STAU1: variants seen among roughly 807,000 people sequenced by gnomAD.
STAU1 encodes double-stranded RNA-binding protein Staufen homolog 1.
A neutral mutation model predicts 62.9 loss-of-function variants in STAU1; 13 were observed. That is an observed-to-expected ratio of 0.21 (90% CI 0.13 to 0.33). The LOEUF is 0.33. Ranked by LOEUF, STAU1 falls within the 10% of genes least tolerant of loss-of-function variation. STAU1 has a pLI of 1.00. For missense variants in STAU1, 571 were observed against 712.1 expected (o/e 0.80, Z 2.25); for synonymous variants, 269 against 265.1 (o/e 1.01, Z -0.14).
At chr20:49,133,635 G>A (rs1011507514) in intron 6 of STAU1, among the ~76,000 whole-genome samples, 1 of 152,182 alleles carries the variant, frequency 6.6e-6, no homozygotes, top group African/African-American at 2.4e-5. Context: ...CACTGATGGA[G>A]GGAGAAAGGC....
At chr20:49,180,432 T>C (rs1453878134) in intron 1 of STAU1, among the ~76,000 whole-genome samples, 1 of 151,928 alleles carries the variant, frequency 6.6e-6, no homozygotes, top group Admixed American at 6.6e-5. Context: ...CAAGCCATTC[T>C]CCTGCCTCAG....
chr20:49,148,411 T>C (rs940906657), intron 5 of STAU1, among the ~76,000 whole-genome samples: 9 of 152,174 alleles, frequency 5.9e-5, no homozygotes, highest in African/African-American at 1.9e-4. Flanking sequence ...TCCCAAGATA[T>C]CCCATTACGT....
rs753561972 is a variant in STAU1 at position 49,121,226 on chromosome 20, GT to G, written c.967-1099del. 3.6e-4 allele frequency among the ~76,000 whole-genome samples: 55 copies of G among 152,202 alleles called. 1 individual carries two copies. Among genetic ancestry groups the G allele is most frequent in the Admixed American group, 1.2e-3 (19 of 15,290 alleles). On this transcript the variant is annotated intron_variant, in intron 8 of 13. Transcript: ENST00000371856. ...GTTCGAGACCAGTCTGGCCAACATG[GT>G]GAAACCCCATCTCTACTAAAAATAC...
intron 6 of STAU1, among the ~76,000 whole-genome samples, chr20:49,127,148 T>A (rs1357443806): frequency 6.7e-6 from 1 of 148,936 alleles, no homozygotes; most frequent in African/African-American, 2.5e-5. Context: ...AGGTCAGGAG[T>A]TCGAGATCAG....
Position 49,124,490 on chromosome 20 carries a change from A to C in STAU1, c.707T>G (p.Ile236Ser). Residue 236 changes from isoleucine to serine, a missense_variant, in exon 7 of 14, where the codon ATT (isoleucine) becomes AGT (serine). Physicochemically the swap from Ile to Ser is moderately radical, Grantham distance 142 (BLOSUM62 -2). Transcript: ENST00000371856. ...VGEGEGKSKK[I>S]SKKNAAIAVL... The stretch of plus-strand genomic sequence containing the variant: ...AGCTATGGCGGCATTTTTCTTTGAA[A>C]TCTTCTTGCTTTTCCCTTCACCTTC... The C allele has an allele frequency of 6.2e-7, 1 of 1,614,096 alleles. No individual in the cohort carries two copies. The highest frequency in any genetic ancestry group is 8.5e-7 in the Non-Finnish European group (1 of 1,180,008).
At position 49,134,881 on chromosome 20, in the gene STAU1, A is replaced by C. The variant is rs1412805600; in HGVS notation, c.609+952T>G. 1.3e-5 allele frequency: 20 copies of C among 1,588,454 alleles called. No individual in the cohort carries two copies. In the African/African-American group the frequency reaches 2.4e-4, roughly 19 times the overall value. Reference sequence around the variant, plus strand: ...ATGAAGTGATGAGAGCCTATTTACAACAGCTAAGGCAAGAGACTGGACTGA... The same window carrying C: ...ATGAAGTGATGAGAGCCTATTTACACCAGCTAAGGCAAGAGACTGGACTGA... On this transcript the variant is annotated intron_variant, in intron 6 of 13. Transcript: ENST00000371856.
At chr20:49,181,342 GT>G (rs1386588263) in intron 1 of STAU1, among the ~76,000 whole-genome samples, 1 of 152,046 alleles carries the variant, frequency 6.6e-6, no homozygotes, top group East Asian at 1.9e-4. Flanking sequence ...CACTAAACCT[GT>G]CCTTACACAT....
chr20:49,202,032 A>C, the STAU1 span, among the ~76,000 whole-genome samples: 1 of 150,792 alleles, frequency 6.6e-6, no homozygotes, highest in Admixed American at 6.6e-5. Flanking sequence ...CATCCTGGCT[A>C]ACACGGTGAA....
At chr20:49,125,683 A>G (rs2092595624) in intron 6 of STAU1, among the ~76,000 whole-genome samples, 1 of 152,000 alleles carries the variant, frequency 6.6e-6, no homozygotes, top group Non-Finnish European at 1.5e-5. Flanking sequence ...CGTCTCTACT[A>G]AAAATACAAA....
Position 49,153,924 on chromosome 20 carries a change from A to AAC in STAU1, c.344+7_344+8dup, listed in dbSNP as rs1555853967. The AAC allele has an allele frequency of 3.3e-5, 50 of 1,533,664 alleles. No homozygotes were observed. Among genetic ancestry groups the AAC allele is most frequent in the South Asian group, 1.6e-4 (13 of 79,836 alleles). Reference sequence around the variant, plus strand: ...TATTTTACAAAAAAAAAAAAAAAAAAACACATACCTCGGGGGATAAGCACC... The same window carrying AAC: ...TATTTTACAAAAAAAAAAAAAAAAAAACACACATACCTCGGGGGATAAGCACC... On this transcript the variant is annotated intron_variant, in intron 4 of 13. Coordinates refer to ENST00000371856, the MANE Select transcript of STAU1 (RefSeq NM_017453.4).
chr20:49,145,924 A>T (rs565690269), intron 5 of STAU1, among the ~76,000 whole-genome samples: 8 of 152,170 alleles, frequency 5.3e-5, no homozygotes, highest in African/African-American at 1.7e-4. Flanking sequence ...AATAAAAAAG[A>T]AAAAGAAAAC....
At chr20:49,214,529 A>AAAAAC in the STAU1 span, among the ~76,000 whole-genome samples, 1 of 149,404 alleles carries the variant, frequency 6.7e-6, no homozygotes. Flanking sequence ...AAAAAAAAAA[A>AAAAAC]AAAACAATAA....
At chr20:49,192,280 A>T (rs955551287), upstream of STAU1, among the ~76,000 whole-genome samples, 2 of 150,010 alleles carry the variant, frequency 1.3e-5, no homozygotes, top group Non-Finnish European at 3.0e-5. Context: ...CAGGAGGCAG[A>T]GCTTGCAGTG....
chr20:49,189,404 G>T (rs1435931308), upstream of STAU1, among the ~76,000 whole-genome samples: 4 of 151,476 alleles, frequency 2.6e-5, no homozygotes, highest in Non-Finnish European at 5.9e-5. Flanking sequence ...GGAGGCCGAG[G>T]TGGGCGGATC....
intron 6 of STAU1, among the ~76,000 whole-genome samples, chr20:49,125,198 C>CAAAAA (rs1171534142): frequency 4.4e-4 from 15 of 33,716 alleles, no homozygotes; most frequent in Admixed American, 5.3e-4. Context: ...CTCATTTTTG[C>CAAAAA]AAAAAAAAAA....
At chr20:49,211,376 TTTTC>T in the STAU1 span, among the ~76,000 whole-genome samples, 1 of 151,602 alleles carries the variant, frequency 6.6e-6, no homozygotes. Flanking sequence ...TTCTTTTTTT[TTTTC>T]TTTTAATAGA....
intron 9 of STAU1, among the ~76,000 whole-genome samples, chr20:49,119,424 T>G (rs1457013606): frequency 2.0e-5 from 3 of 152,080 alleles, no homozygotes; most frequent in African/African-American, 7.2e-5. Context: ...GGCCTCAGCC[T>G]CCCAAATTAC....
At chr20:49,158,100 G>C (rs1232961535) in intron 3 of STAU1, among the ~76,000 whole-genome samples, 1 of 150,778 alleles carries the variant, frequency 6.6e-6, no homozygotes, top group East Asian at 2.0e-4. Flanking sequence ...TGGCCAACAT[G>C]GTGAGACCCT....
At chr20:49,197,192 G>A in the STAU1 span, among the ~76,000 whole-genome samples, 1 of 148,802 alleles carries the variant, frequency 6.7e-6, no homozygotes, top group African/African-American at 2.5e-5. Context: ...TAACATCAAT[G>A]TCCATCAACC....
Sources: gnomAD v4.1 joint callset for allele counts (sites outside exome capture counted in the v4.1 genomes callset) on GRCh38, gnomAD v4.1.1 for gene constraint, MANE v1.5 for transcripts, NCBI Gene and HGNC (gene_info 2026-07-23, HGNC 2026-07-21) for gene names.